The following INPP1 variants were observed in gnomAD, a reference collection of about 807,000 sequenced individuals.
INPP1 encodes the protein inositol polyphosphate-1-phosphatase.
A neutral mutation model predicts 23.0 loss-of-function variants in INPP1; 18 were observed. The ratio of observed to expected loss-of-function variants is 0.78; its 90% CI spans 0.54 to 1.16. The LOEUF (loss-of-function observed/expected upper bound fraction) is 1.16. Ranked by LOEUF, INPP1 falls within the 50% of genes most tolerant of loss-of-function variation. The pLI, the probability that INPP1 is intolerant of heterozygous loss-of-function variation, is 0.00. For missense variants in INPP1, 448 were observed against 482.1 expected (o/e 0.93, Z 0.66); for synonymous variants, 164 against 176.3 (o/e 0.93, Z 0.55).
chr2:190,361,929 G>C (rs532654887), intron 3 of INPP1, among the ~76,000 whole-genome samples: 45 of 152,170 alleles, frequency 3.0e-4, no homozygotes, highest in Non-Finnish European at 5.9e-4. Flanking sequence ...TCAAAATTTA[G>C]GACATATTTT....
In INPP1 at chr2:190,371,081, G is replaced by C. The variant is rs1689793650; in HGVS notation, c.879G>C (p.Lys293Asn). The C allele has an allele frequency of 6.2e-6, 10 of 1,614,092 alleles. No homozygotes were observed. Among genetic ancestry groups the C allele is most frequent in the Non-Finnish European group, 8.5e-6 (10 of 1,180,048 alleles). The change falls in exon 7 of 7, where the codon AAG becomes AAC. Residue 293 changes from lysine to asparagine, a missense_variant. Transcript: ENST00000392329. This position sits in a 1 kb window ranked among gnomAD's most constrained non-coding sequence, Gnocchi z 5.3. Reference sequence around the variant, plus strand: ...TTGGGGCAGCTGGGGCTGGTTATAAGAGCCTATGTGTTGTCCAAGGCCTCG... The same window carrying C: ...TTGGGGCAGCTGGGGCTGGTTATAACAGCCTATGTGTTGTCCAAGGCCTCG... ...RIFGAAGAGY[K>N]SLCVVQGLVD...
At chr2:190,370,308 G>C (rs911411262) in intron 6 of INPP1, among the ~76,000 whole-genome samples, 1 of 152,134 alleles carries the variant, frequency 6.6e-6, no homozygotes, top group African/African-American at 2.4e-5. Flanking sequence ...AGTAAGTTAA[G>C]CATTGATAAA....
chr2:190,349,827 A>G (rs1375054336), intron 2 of INPP1, among the ~76,000 whole-genome samples: 2 of 152,214 alleles, frequency 1.3e-5, no homozygotes, highest in Non-Finnish European at 2.9e-5. Flanking sequence ...TAAGGTCACT[A>G]TCAAACTTTA....
chr2:190,367,932 T>C lies in INPP1; in HGVS notation c.466+1037T>C, dbSNP rs1395049155. Among the ~76,000 whole-genome samples the C allele has an allele frequency of 6.6e-6, 1 of 152,046 alleles. No homozygotes were observed. Among genetic ancestry groups the C allele is most frequent in the Non-Finnish European group, 1.5e-5 (1 of 67,978 alleles). ...GGTAATAATTTTAATAAGCTCCCCCTTCCTTTTTTTTCTTCCCCACCCAAC... is the reference window on the plus strand; with the variant it reads ...GGTAATAATTTTAATAAGCTCCCCCCTCCTTTTTTTTCTTCCCCACCCAAC... On this transcript the variant is annotated intron_variant, in intron 5 of 6. Transcript: ENST00000392329. This position sits in a 1 kb window ranked among gnomAD's most constrained non-coding sequence, Gnocchi z 4.1.
chr2:190,353,311 G>T (rs1171797136), intron 2 of INPP1, among the ~76,000 whole-genome samples: 1 of 152,210 alleles, frequency 6.6e-6, no homozygotes, highest in African/African-American at 2.4e-5. Context: ...GCCTCTAGGA[G>T]CCAGGGTTTC....
chr2:190,360,361 C>G, intron 3 of INPP1, 55 bp downstream of exon 3: 1 of 1,511,452 alleles, frequency 6.6e-7, no homozygotes, highest in Non-Finnish European at 9.1e-7. Flanking sequence ...GTGGCTTTCT[C>G]CATCATAGAA....
At position 190,354,547 on chromosome 2, in the gene INPP1, A is replaced by G. The variant is rs4853694; in HGVS notation, c.-64-5492A>G. 0.42 allele frequency among the ~76,000 whole-genome samples: 64,463 copies of G among 152,068 alleles called. 16,167 individuals carry two copies. The highest frequency in any genetic ancestry group is 0.7 in the African/African-American group (29,027 of 41,462). ...GACATGCCAGAGATTAACGCCCACGATGGAAAGGCCAGGTGAGGCCACAAT... is the reference window on the plus strand; with the variant it reads ...GACATGCCAGAGATTAACGCCCACGGTGGAAAGGCCAGGTGAGGCCACAAT... On this transcript the variant is annotated intron_variant, in intron 2 of 6. Coordinates refer to ENST00000392329, the MANE Select transcript of INPP1 (RefSeq NM_001128928.2). The surrounding 1 kb of genome is among the most constrained non-coding windows in gnomAD (Gnocchi z 4.8).
rs1689740913 is a variant in INPP1, at chr2:190,368,898, T to C, written c.467-205T>C. The C allele has an allele frequency of 2.6e-6, 1 of 387,730 alleles. No individual in the cohort carries two copies. The highest frequency in any genetic ancestry group is 2.1e-5 in the African/African-American group (1 of 48,520). The allele number at this position is 387,730 out of a possible 1,614,324, so 24.0% of individuals were successfully genotyped here. The stretch of plus-strand genomic sequence containing the variant: ...CCACAGGAACTATAGACACATCCTC[T>C]CCCTTCAAGAGTTCTCACAGTCAGG... On this transcript the variant is annotated intron_variant, in intron 5 of 6. Transcript: ENST00000392329. The surrounding 1 kb of genome is among the most constrained non-coding windows in gnomAD (Gnocchi z 4.3).
chr2:190,348,709 T>A (rs1275374308), intron 1 of INPP1, among the ~76,000 whole-genome samples, 179 bp from the exon 2 acceptor site: 1 of 152,244 alleles, frequency 6.6e-6, no homozygotes, highest in Non-Finnish European at 1.5e-5. Flanking sequence ...TTGTAGCATG[T>A]GTCAGAATTT....
chr2:190,347,359 G>GA (rs954029282), intron 1 of INPP1, among the ~76,000 whole-genome samples: 13 of 149,584 alleles, frequency 8.7e-5, no homozygotes, highest in East Asian at 7.9e-4. Context: ...ATTCAAAAAA[G>GA]AAAAAAAAAT....
intron 1 of INPP1, among the ~76,000 whole-genome samples, chr2:190,348,082 G>A (rs1479993221): frequency 6.6e-6 from 1 of 152,246 alleles, no homozygotes; most frequent in Admixed American, 6.5e-5. Context: ...AGGTTGCAGT[G>A]AGTCAAGATC....
chr2:190,361,603 G>T (rs1045676557), intron 3 of INPP1, among the ~76,000 whole-genome samples: 1 of 152,168 alleles, frequency 6.6e-6, no homozygotes, highest in African/African-American at 2.4e-5. Flanking sequence ...TTGCCTCAAA[G>T]CATTATAAAA....
intron 1 of INPP1, among the ~76,000 whole-genome samples, chr2:190,347,316 T>C (rs1469934671): frequency 1.3e-5 from 2 of 151,928 alleles, no homozygotes; most frequent in Non-Finnish European, 2.9e-5. Context: ...TGGCTCCTTA[T>C]TTGTAGCTTT....
At chr2:190,361,511 A>T (rs1689533242) in intron 3 of INPP1, among the ~76,000 whole-genome samples, 1 of 152,172 alleles carries the variant, frequency 6.6e-6, no homozygotes, top group Admixed American at 6.5e-5. Context: ...TTTCTTTTTT[A>T]CTTATCAATA....
rs189362046 is a variant in INPP1 at position 190,364,318 on chromosome 2, T to C, written c.265+1631T>C. Among the ~76,000 whole-genome samples the C allele has an allele frequency of 2.0e-3, 307 of 152,056 alleles. 2 individuals are homozygous for C. The highest frequency in any genetic ancestry group is 3.9e-3 in the Non-Finnish European group (262 of 67,978). On this transcript the variant is annotated intron_variant, in intron 4 of 6. Coordinates refer to ENST00000392329, the MANE Select transcript of INPP1 (RefSeq NM_001128928.2). ...ACTTTGGGAGGCCAGGGCGGGTGGA[T>C]CACAAGGTCAGGAAATTGAGTCCAT...
intron 4 of INPP1, among the ~76,000 whole-genome samples, chr2:190,366,043 C>T (rs55677319): frequency 1.1e-5 from 1 of 89,202 alleles, no homozygotes; most frequent in Non-Finnish European, 2.2e-5. Context: ...CTCTGTCTCA[C>T]TCTTTTGCTC....
chr2:190,360,623 T>C (rs1689516977), intron 3 of INPP1, among the ~76,000 whole-genome samples: 1 of 152,222 alleles, frequency 6.6e-6, no homozygotes, highest in Non-Finnish European at 1.5e-5. Flanking sequence ...ACATGTTTTC[T>C]GGAAAATAAG....
intron 2 of INPP1, among the ~76,000 whole-genome samples, chr2:190,357,172 C>G (rs930194705): frequency 6.6e-6 from 1 of 152,154 alleles, no homozygotes; most frequent in Non-Finnish European, 1.5e-5. Flanking sequence ...TAGATCTTTT[C>G]TATCACCTGA....
chr2:190,364,922 A>AT (rs1018232709), intron 4 of INPP1, among the ~76,000 whole-genome samples: 6 of 152,012 alleles, frequency 3.9e-5, no homozygotes, highest in Admixed American at 1.3e-4. Context: ...TGACTTTCTA[A>AT]TAAGCTCCCA....
Sources: allele counts gnomAD v4.1 joint callset (sites outside exome capture counted in the v4.1 genomes callset), GRCh38; gene constraint gnomAD v4.1.1; non-coding constraint Gnocchi (gnomAD v3.1); transcripts MANE v1.5; gene names NCBI Gene and HGNC (gene_info 2026-07-23, HGNC 2026-07-21).